The following FAT2 variants were observed in gnomAD, a reference collection of about 807,000 sequenced individuals.
FAT2 encodes the protein FAT atypical cadherin 2.
In FAT2, 150 loss-of-function variants were observed where a neutral mutation model predicts 295.3. The observed-to-expected ratio is 0.51, with a 90% confidence interval of 0.44 to 0.58. The LOEUF (loss-of-function observed/expected upper bound fraction) is 0.58. Among genes scored for constraint, FAT2 ranks in the 20% least tolerant of loss-of-function variants. FAT2 has a pLI of 0.00. For missense variants in FAT2, 4,868 were observed against 5,442.7 expected (o/e 0.89, Z 3.32); for synonymous variants, 2,026 against 2,150.3 (o/e 0.94, Z 1.60).
At chr5:151,594,027 G>A (rs1339801023), upstream of FAT2, among the ~76,000 whole-genome samples, 1 of 152,020 alleles carries the variant, frequency 6.6e-6, no homozygotes, top group Non-Finnish European at 1.5e-5. Context: ...AATAATAACA[G>A]CTCATCTTTA....
intron 12 of FAT2, among the ~76,000 whole-genome samples, chr5:151,537,343 GAAAAGAAAA>G (rs200328160): frequency 0.27 from 36,186 of 133,024 alleles, 5,491 homozygotes; most frequent in Middle Eastern, 0.4. Flanking sequence ...GAAAAGAAAA[GAAAAGAAAA>G]AAGAAGGAAG....
At position 151,545,280 on chromosome 5, in the gene FAT2, T is replaced by A. The variant is rs1756511585; in HGVS notation, c.5847A>T (p.Gln1949His). 2 of 1,614,052 alleles carry A rather than the reference T, an allele frequency of 1.2e-6. No individual in the cohort carries two copies. The highest frequency in any genetic ancestry group is 1.3e-5 in the African/African-American group (1 of 74,922). ...LTIRASDGLY[Q>H]DTALVKISLT... is the part of the protein sequence containing the mutation. ...AAGAAATTTTTACCAGCGCAGTGTC[T>A]TGATACAAGCCATCAGAAGCCCTGA... The change falls in exon 10 of 24, where the codon CAA becomes CAT. Residue 1949 changes from glutamine to histidine, a missense_variant. Physicochemically the swap from Gln to His is conservative, Grantham distance 24. This residue lies in a region of FAT2 where 3,297 missense variants were observed against 3,669.4 expected (regional missense o/e 0.90). Transcript: ENST00000261800.
Position 151,542,969 on chromosome 5 carries a change from C to G in FAT2, c.8158G>C (p.Asp2720His), listed in dbSNP as rs1053738091. 1.2e-6 allele frequency: 2 copies of G among 1,614,190 alleles called. No individual in the cohort carries two copies. Among genetic ancestry groups the G allele is most frequent in the Non-Finnish European group, 1.7e-6 (2 of 1,180,024 alleles). ...CGCACTAGACTGTAGATGACTGGATCTTGAGCTGCCACTGCTTTAACAATC... is the reference window on the plus strand; with the variant it reads ...CGCACTAGACTGTAGATGACTGGATGTTGAGCTGCCACTGCTTTAACAATC... ...IGIVKAVAAQ[D>H]PVIYSLVRGT... Residue 2720 changes from aspartate (D) to histidine (H), a missense_variant, in exon 10 of 24, where the codon GAT becomes CAT. Physicochemically the swap from Asp to His is moderately conservative, Grantham distance 81 (BLOSUM62 -1). Coordinates refer to ENST00000261800, the MANE Select transcript of FAT2 (RefSeq NM_001447.3).
At chr5:151,527,184 G>A in intron 17 of FAT2, 50 bp downstream of exon 17, 1 of 1,539,438 alleles carries the variant, frequency 6.5e-7, no homozygotes, top group Non-Finnish European at 8.8e-7. Context: ...TCTGCTAGAA[G>A]GGAAATGAAG....
In FAT2 at chr5:151,507,146, A is replaced by T. The variant is rs377690143; in HGVS notation, c.12517+8T>A. ...TCCCAGAGGCTAAGCGTCTCTGGCT[A>T]TACTGACCCATCTCCTCGCTGGACC... On this transcript the variant is annotated splice_region_variant and intron_variant, in intron 23 of 23. Coordinates refer to ENST00000261800, the MANE Select transcript of FAT2 (RefSeq NM_001447.3). 2 of 1,569,054 alleles carry T rather than the reference A, an allele frequency of 1.3e-6. No individual in the cohort carries two copies. Among genetic ancestry groups the T allele is most frequent in the Admixed American group, 3.5e-5 (2 of 56,582 alleles).
intron 2 of FAT2, among the ~76,000 whole-genome samples, chr5:151,565,287 A>G (rs1200715226): frequency 6.6e-6 from 1 of 152,094 alleles, no homozygotes. Flanking sequence ...AATGAACAAT[A>G]TATGATATAT....
chr5:151,529,374 GC>G lies in FAT2; in HGVS notation c.9829del (p.Ala3277GlnfsTer28). 1 of 1,613,910 alleles carries G rather than the reference GC, an allele frequency of 6.2e-7. No homozygotes were observed. Among genetic ancestry groups the G allele is most frequent in the Non-Finnish European group, 8.5e-7 (1 of 1,180,000 alleles). On this transcript the variant is annotated frameshift_variant, in exon 15 of 24. Coordinates refer to ENST00000261800, the MANE Select transcript of FAT2 (RefSeq NM_001447.3). LOFTEE classifies it high-confidence loss of function. ...GGGGCTTGTCTCAAAGTCCAGGCTT[GC>G]GTTGACATACAGGATCCCTGAAGAA... ...DARTGILYVNASLDFETSPKY... is the reference protein window; with the variant it reads ...DARTGILYVNXSLDFETSPKY...
chr5:151,548,727 C>T (rs1330203914), intron 9 of FAT2, among the ~76,000 whole-genome samples: 4 of 152,138 alleles, frequency 2.6e-5, no homozygotes, highest in African/African-American at 7.2e-5. Context: ...GTGATCCGCC[C>T]GCCTCGGCCT....
rs1201866439 is a variant in FAT2 at position 151,566,288 on chromosome 5, C to T, written c.2644G>A (p.Asp882Asn). 6 of 1,614,098 alleles carry T rather than the reference C, an allele frequency of 3.7e-6. No homozygotes were observed. In the South Asian group the frequency reaches 4.4e-5, roughly 12 times the overall value. Residue 882 changes from aspartate (D) to asparagine (N), a missense_variant, in exon 2 of 24, where the codon GAC becomes AAC. Physicochemically the swap from Asp to Asn is conservative, Grantham distance 23. This residue lies in a region of FAT2 where 3,297 missense variants were observed against 3,669.4 expected (regional missense o/e 0.90). Transcript: ENST00000261800. ...TGELVVTGHL[D>N]RESEPRYILK... ...ATGTACCGAGGCTCTGATTCGCGGT[C>T]CAGGTGTCCTGTAACAACCAGTTCC...
intron 12 of FAT2, among the ~76,000 whole-genome samples, chr5:151,536,144 G>A (rs763613445): frequency 1.3e-5 from 2 of 152,020 alleles, no homozygotes; most frequent in Non-Finnish European, 2.9e-5. Flanking sequence ...TTATCATGCA[G>A]ATGTTCCAGT....
chr5:151,512,742 T>A lies in FAT2; in HGVS notation c.11464-136A>T, dbSNP rs1178927872. 3.9e-6 allele frequency: 3 copies of A among 770,084 alleles called. No homozygotes were observed. The highest frequency in any genetic ancestry group is 6.2e-6 in the Non-Finnish European group (3 of 480,338). 47.7% of individuals were successfully genotyped at this position (770,084 alleles called of 1,614,324 possible). ...GTGTTTGGCTGTTTTAGACATGGCA[T>A]TTGCAGAGCATAAAAACCCTCAAAG... On this transcript the variant is annotated intron_variant, in intron 20 of 23. Coordinates refer to ENST00000261800, the MANE Select transcript of FAT2 (RefSeq NM_001447.3). This position sits in a 1 kb window ranked among gnomAD's most constrained non-coding sequence, Gnocchi z 4.1.
At chr5:151,551,646 G>T in intron 6 of FAT2, 40 bp from the exon 7 acceptor site, 4 of 1,610,462 alleles carry the variant, frequency 2.5e-6, no homozygotes, top group Non-Finnish European at 3.4e-6. Context: ...CAACCTCAGT[G>T]ATTTAGGCAG....
intron 9 of FAT2, 76 bp from the exon 10 acceptor site, chr5:151,546,413 G>T: frequency 1.8e-6 from 2 of 1,137,470 alleles, no homozygotes; most frequent in Non-Finnish European, 2.5e-6. Context: ...ATCAGTAAAG[G>T]GTCTATCACA....
In FAT2 at chr5:151,566,338, T is replaced by A. The variant is rs746686953; in HGVS notation, c.2594A>T (p.Lys865Met). The change falls in exon 2 of 24, where the codon AAG becomes ATG. Residue 865 changes from lysine to methionine, a missense_variant. By Grantham distance (95) the Lys-to-Met change is moderately conservative. Coordinates refer to ENST00000261800, the MANE Select transcript of FAT2 (RefSeq NM_001447.3). ...VRYTLLSPTE[K>M]FSLHPLTGEL... ...CCCAGTGAGAGGGTGGAGGGAGAAC[T>A]TCTCTGTGGGACTTAGCAGGGTGTA... 3.7e-5 allele frequency: 60 copies of A among 1,614,124 alleles called. No individual in the cohort carries two copies. In the South Asian group the frequency reaches 5.3e-4, roughly 14 times the overall value.
chr5:151,562,289 C>T (rs1355009741), intron 3 of FAT2, among the ~76,000 whole-genome samples: 1 of 152,214 alleles, frequency 6.6e-6, no homozygotes. Flanking sequence ...TTCCATCCTT[C>T]TCCGACAAGA....
chr5:151,537,008 T>G (rs190443448), intron 12 of FAT2, among the ~76,000 whole-genome samples: 22 of 152,320 alleles, frequency 1.4e-4, no homozygotes, highest in African/African-American at 5.3e-4. Flanking sequence ...CCCCACTCTC[T>G]TACCCCTGGC....
At chr5:151,563,180 G>A (rs1337369694) in intron 3 of FAT2, 145 bp downstream of exon 3, 21 of 745,326 alleles carry the variant, frequency 2.8e-5, no homozygotes, top group African/African-American at 1.1e-4. Context: ...CCTCACCCTC[G>A]AAATTTTGAT....
At chr5:151,541,587 GA>G (rs1337776076) in intron 10 of FAT2, among the ~76,000 whole-genome samples, 1 of 152,116 alleles carries the variant, frequency 6.6e-6, no homozygotes, top group Non-Finnish European at 1.5e-5. Flanking sequence ...CTGGGGATGA[GA>G]AAAAAAGGCC....
rs1254442227 is a variant in FAT2 at position 151,567,682 on chromosome 5, G to T, written c.1250C>A (p.Thr417Asn). ...KLNARTGLIT[T>N]TKLMDFHDRA... The stretch of plus-strand genomic sequence containing the variant: ...GTCGTGGAAGTCCATGAGCTTTGTG[G>T]TGGTGATCAACCCAGTTCGAGCATT... The change falls in exon 2 of 24, where the codon ACC (threonine) becomes AAC (asparagine). Residue 417 changes from threonine (T) to asparagine (N), a missense_variant. Thr to Asn is a moderately conservative substitution (Grantham distance 65). This residue lies in a region of FAT2 where 3,297 missense variants were observed against 3,669.4 expected (regional missense o/e 0.90). Transcript: ENST00000261800. The T allele has an allele frequency of 9.9e-6, 16 of 1,614,072 alleles. No individual in the cohort carries two copies. The highest frequency in any genetic ancestry group is 1.4e-5 in the Non-Finnish European group (16 of 1,180,048).
Sources: gnomAD v4.1 joint callset for allele counts (sites outside exome capture counted in the v4.1 genomes callset) on GRCh38, gnomAD v4.1.1 for gene constraint, gnomAD v4.1.1 regional missense constraint, Gnocchi (gnomAD v3.1) non-coding constraint, MANE v1.5 for transcripts, NCBI Gene and HGNC (gene_info 2026-07-23, HGNC 2026-07-21) for gene names.